Variants in CRIM1 observed in about 807,000 individuals in gnomAD.
CRIM1 encodes cysteine rich transmembrane BMP regulator 1.
Under a neutral mutation model 116.4 loss-of-function variants are expected in CRIM1, and 32 were observed. That is an observed-to-expected ratio of 0.27 (90% CI 0.21 to 0.37). CRIM1 has a LOEUF of 0.37. Among genes scored for constraint, CRIM1 ranks in the 10% least tolerant of loss-of-function variants. The pLI, the probability that CRIM1 is intolerant of heterozygous loss-of-function variation, is 1.00. For synonymous variants in CRIM1, 590 were observed against 509.2 expected, an observed-to-expected ratio of 1.16 and a Z score of -2.13; for missense variants, 1,331 against 1,354.8, an observed-to-expected ratio of 0.98 and a Z score of 0.28.
At chr2:36,470,456 T>C (rs1678409272) in intron 5 of CRIM1, among the ~76,000 whole-genome samples, 1 of 152,168 alleles carries the variant, frequency 6.6e-6, no homozygotes, top group African/African-American at 2.4e-5. Context: ...AATAGGCTGA[T>C]TCTTATTAGG....
chr2:36,519,425 T>G (rs552670596), intron 12 of CRIM1, among the ~76,000 whole-genome samples: 13 of 152,300 alleles, frequency 8.5e-5, no homozygotes, highest in African/African-American at 2.9e-4. Context: ...TTTCTTTACC[T>G]CTAACTAAAG....
intron 15 of CRIM1, among the ~76,000 whole-genome samples, chr2:36,546,233 G>C (rs1014447092): frequency 6.6e-6 from 1 of 152,090 alleles, no homozygotes; most frequent in South Asian, 2.1e-4. Flanking sequence ...TAAAAATAAG[G>C]AAACTTTAGG....
chr2:36,545,188 A>T (rs774729502), intron 15 of CRIM1, among the ~76,000 whole-genome samples: 35 of 152,086 alleles, frequency 2.3e-4, no homozygotes, highest in Non-Finnish European at 3.8e-4. Flanking sequence ...TATATAACTT[A>T]TATTTCTTTT....
rs552829210 is a variant in CRIM1, at chr2:36,432,514, A to T, written c.506-8744A>T. On this transcript the variant is annotated intron_variant, in intron 2 of 16. Coordinates refer to ENST00000280527, the MANE Select transcript of CRIM1 (RefSeq NM_016441.3). ...TGTTTTAAAATTCAGTAGGATGCAA[A>T]CAGGCCACATTTGGCATCCGGCTCT... Among the ~76,000 whole-genome samples the T allele has an allele frequency of 1.6e-4, 25 of 152,230 alleles. No homozygotes were observed. In the South Asian group the frequency reaches 5.2e-3, roughly 32 times the overall value.
In CRIM1 at chr2:36,356,246, C is replaced by G; in HGVS notation, c.-47C>G. 1.7e-6 allele frequency: 2 copies of G among 1,186,830 alleles called. No individual in the cohort carries two copies. Among genetic ancestry groups the G allele is most frequent in the Non-Finnish European group, 1.1e-6 (1 of 902,040 alleles). 73.5% of individuals were successfully genotyped at this position (1,186,830 alleles called of 1,614,324 possible). ...CCCCGCGCAGGGGAGGGCGCCCGCC[C>G]CGCTCCCGGCCCGGCTGCGAGGAGG... On this transcript the variant is annotated 5_prime_UTR_variant, in exon 1 of 17. Transcript: ENST00000280527. This position sits in a 1 kb window ranked among gnomAD's most constrained non-coding sequence, Gnocchi z 4.3.
chr2:36,413,898 AAAGGTCACTTTTAAGCTTTGCAG>A (rs967557079), intron 2 of CRIM1, among the ~76,000 whole-genome samples: 8 of 152,314 alleles, frequency 5.3e-5, no homozygotes, highest in African/African-American at 1.9e-4. Flanking sequence ...ATCATTAGCA[AAAGGTCACTTTTAAGCTTTGCAG>A]AATGAAACGG....
rs994251715 is a variant in CRIM1, at chr2:36,363,531, C to G, written c.331+6908C>G. On this transcript the variant is annotated intron_variant, in intron 1 of 16. Transcript: ENST00000280527. Reference sequence around the variant, plus strand: ...TACTGAATTCAGCAGTCGTCGCCGCCCCCCCCCCCCATGACTATCTTTTTA... The same window carrying G: ...TACTGAATTCAGCAGTCGTCGCCGCGCCCCCCCCCCATGACTATCTTTTTA... 1.4e-4 allele frequency among the ~76,000 whole-genome samples: 14 copies of G among 101,370 alleles called. 1 individual carries two copies. Among genetic ancestry groups the G allele is most frequent in the African/African-American group, 6.3e-4 (14 of 22,264 alleles). The allele number at this position is 101,370 out of a possible 152,430, so 66.5% of individuals were successfully genotyped here.
chr2:36,478,294 A>G (rs1679143868), intron 6 of CRIM1, among the ~76,000 whole-genome samples: 1 of 152,172 alleles, frequency 6.6e-6, no homozygotes, highest in African/African-American at 2.4e-5. Context: ...AATTACTTCA[A>G]ATTTTTAACC....
chr2:36,441,192 T>C (rs1675790789), intron 2 of CRIM1, 66 bp from the exon 3 acceptor site: 2 of 1,600,028 alleles, frequency 1.2e-6, no homozygotes, highest in Admixed American at 1.7e-5. Context: ...CAGGACTGTT[T>C]GTTCTTCTGT....
At chr2:36,535,218 A>G (rs1666459719) in intron 13 of CRIM1, among the ~76,000 whole-genome samples, 1 of 140,814 alleles carries the variant, frequency 7.1e-6, no homozygotes, top group South Asian at 2.4e-4. Flanking sequence ...GGATGGAGGG[A>G]GAAGGAAGGA....
At chr2:36,362,527 TGTTTCACTAGGCGGATAAGC>T (rs1169936165) in intron 1 of CRIM1, among the ~76,000 whole-genome samples, 4 of 152,206 alleles carry the variant, frequency 2.6e-5, no homozygotes, top group Non-Finnish European at 5.9e-5. Context: ...TGTTCTAGCT[TGTTTCACTAGGCGGATAAGC>T]GTGGGCAGTA....
chr2:36,448,501 C>A, intron 4 of CRIM1, among the ~76,000 whole-genome samples: 1 of 152,208 alleles, frequency 6.6e-6, no homozygotes, highest in East Asian at 1.9e-4. Flanking sequence ...TAATTTTTCA[C>A]CAGTGTTTCA....
At chr2:36,541,589 CCAG>C (rs1666947489) in intron 14 of CRIM1, among the ~76,000 whole-genome samples, 1 of 152,262 alleles carries the variant, frequency 6.6e-6, no homozygotes, top group East Asian at 1.9e-4. Flanking sequence ...GCCCCGTATT[CCAG>C]AAGAGGACAT....
chr2:36,399,033 C>G (rs563705364), intron 2 of CRIM1, among the ~76,000 whole-genome samples: 2 of 151,724 alleles, frequency 1.3e-5, no homozygotes, highest in African/African-American at 4.8e-5. Context: ...CCAACATGGA[C>G]GAAAGAAGAA....
chr2:36,477,233 C>T (rs1572829801), intron 6 of CRIM1, among the ~76,000 whole-genome samples, 162 bp downstream of exon 6: 2 of 152,280 alleles, frequency 1.3e-5, no homozygotes, highest in Admixed American at 6.5e-5. Context: ...CATGTTAAAG[C>T]CAGGTAGAGT....
chr2:36,397,693 G>A (rs1182227895), intron 2 of CRIM1, among the ~76,000 whole-genome samples: 5 of 152,194 alleles, frequency 3.3e-5, no homozygotes, highest in African/African-American at 1.2e-4. Context: ...CAGGACTGAA[G>A]TTTTGGAAAT....
At chr2:36,497,227 G>A (rs1391215113) in intron 7 of CRIM1, among the ~76,000 whole-genome samples, 1 of 152,214 alleles carries the variant, frequency 6.6e-6, no homozygotes, top group Non-Finnish European at 1.5e-5. Flanking sequence ...GGAAAGCAGT[G>A]TGCCTAGAGT....
At chr2:36,474,504 A>G (rs890768459) in intron 5 of CRIM1, among the ~76,000 whole-genome samples, 2 of 152,266 alleles carry the variant, frequency 1.3e-5, no homozygotes, top group African/African-American at 2.4e-5. Flanking sequence ...ATTTTTGTAT[A>G]TGGTGTGAGG....
rs1679030575 is a variant in CRIM1 at position 36,476,990 on chromosome 2, A to T, written c.1093A>T (p.Ile365Phe). Reference sequence around the variant, plus strand: ...CTGTCGATGCCAAGGGGGCGTTGCCATCTGCTTCACCGCCCAGTGTGGTGA... The same window carrying T: ...CTGTCGATGCCAAGGGGGCGTTGCCTTCTGCTTCACCGCCCAGTGTGGTGA... ...RFCRCQGGVAICFTAQCGEIN... is the reference protein window; with the variant it reads ...RFCRCQGGVAFCFTAQCGEIN... Residue 365 changes from isoleucine (I) to phenylalanine (F), a missense_variant, in exon 6 of 17, where the codon ATC becomes TTC. Ile to Phe is a conservative substitution (Grantham distance 21). Transcript: ENST00000280527. 6.2e-7 allele frequency: 1 copy of T among 1,614,040 alleles called. No homozygotes were observed. The highest frequency in any genetic ancestry group is 8.5e-7 in the Non-Finnish European group (1 of 1,179,976).
Sources: gnomAD v4.1 joint callset for allele counts (sites outside exome capture counted in the v4.1 genomes callset) on GRCh38, gnomAD v4.1.1 for gene constraint, Gnocchi (gnomAD v3.1) non-coding constraint, MANE v1.5 for transcripts, NCBI Gene and HGNC (gene_info 2026-07-23, HGNC 2026-07-21) for gene names.